The following SEMA5A variants were observed in gnomAD, a reference collection of about 807,000 sequenced individuals.
SEMA5A encodes semaphorin-5A.
In SEMA5A, 55 loss-of-function variants were observed where a neutral mutation model predicts 135.5. That is an observed-to-expected ratio of 0.41 (90% CI 0.33 to 0.51). The LOEUF (loss-of-function observed/expected upper bound fraction) is 0.51, where lower values mean the gene tolerates loss of function less well. Ranked by LOEUF, SEMA5A falls within the 20% of genes least tolerant of loss-of-function variation. The probability of loss-of-function intolerance (pLI) is 0.37; values close to 1 mark genes in which losing one functional copy is unlikely to be tolerated. For missense variants in SEMA5A, 1,290 were observed against 1,419.9 expected (o/e 0.91, Z 1.47); for synonymous variants, 580 against 546.5 (o/e 1.06, Z -0.85).
At chr5:9,232,632 A>G (rs1747697551) in intron 6 of SEMA5A, among the ~76,000 whole-genome samples, 1 of 152,226 alleles carries the variant, frequency 6.6e-6, no homozygotes. Flanking sequence ...CGTGCTATGT[A>G]ATGTACAGTG....
intron 5 of SEMA5A, among the ~76,000 whole-genome samples, chr5:9,281,692 G>T (rs747227786): frequency 6.6e-6 from 1 of 152,124 alleles, no homozygotes; most frequent in Non-Finnish European, 1.5e-5. Flanking sequence ...AAGGCAAATC[G>T]GGTAAGGCAA....
intron 3 of SEMA5A, among the ~76,000 whole-genome samples, chr5:9,353,174 G>GGGAAA (rs1754247304): frequency 3.2e-5 from 1 of 30,952 alleles, no homozygotes; most frequent in Non-Finnish European, 5.3e-5. Flanking sequence ...GGGAAAGGAA[G>GGGAAA]GGAAAGGAAG....
chr5:9,066,794 T>C (rs1737498086), intron 16 of SEMA5A, 148 bp from the exon 17 acceptor site: 1 of 643,868 alleles, frequency 1.6e-6, no homozygotes, highest in Non-Finnish European at 2.7e-6. Context: ...AAAACACATT[T>C]ATGTTAAATT....
At chr5:9,136,693 C>A in intron 12 of SEMA5A, 72 bp from the exon 13 acceptor site, 1 of 1,237,484 alleles carries the variant, frequency 8.1e-7, no homozygotes, top group Non-Finnish European at 1.2e-6. Flanking sequence ...ACAAGGCGAA[C>A]CTGTCCCTTG....
At chr5:9,353,364 A>G (rs1281535071) in intron 3 of SEMA5A, among the ~76,000 whole-genome samples, 15 of 138,204 alleles carry the variant, frequency 1.1e-4, no homozygotes, top group East Asian at 4.4e-4. Context: ...GAAGGAAAGG[A>G]AAGGAAAGGA....
intron 2 of SEMA5A, among the ~76,000 whole-genome samples, chr5:9,433,181 A>G (rs1300892183): frequency 1.3e-5 from 2 of 152,182 alleles, no homozygotes; most frequent in Admixed American, 6.5e-5. Context: ...AGAATAAAAC[A>G]TTGAGAAGGT....
In SEMA5A at chr5:9,289,556, T is replaced by A. The variant is rs1372178967; in HGVS notation, c.270+28816A>T. On this transcript the variant is annotated intron_variant, in intron 5 of 22. Coordinates refer to ENST00000382496, the MANE Select transcript of SEMA5A (RefSeq NM_003966.3). ...GGCACGTGCCGGTAGTCCCAGCAAT[T>A]CAGGAGGCTGAGGCAGGAGAATCAC... Among the ~76,000 whole-genome samples the A allele has an allele frequency of 3.9e-5, 6 of 151,940 alleles. No homozygotes were observed. In the East Asian group the frequency reaches 1.2e-3, roughly 29 times the overall value.
intron 3 of SEMA5A, among the ~76,000 whole-genome samples, chr5:9,350,399 G>A (rs964211367): frequency 6.6e-6 from 1 of 152,136 alleles, no homozygotes. Flanking sequence ...GAGAGTGTCT[G>A]GTCTTTGACT....
At chr5:9,127,480 G>C (rs1741178891) in intron 13 of SEMA5A, among the ~76,000 whole-genome samples, 2 of 152,086 alleles carry the variant, frequency 1.3e-5, no homozygotes, top group African/African-American at 4.8e-5. Flanking sequence ...TGGGAATAAT[G>C]GCATGGAGAT....
At chr5:9,383,574 A>T (rs1186145246) in intron 2 of SEMA5A, among the ~76,000 whole-genome samples, 2 of 152,214 alleles carry the variant, frequency 1.3e-5, no homozygotes, top group Non-Finnish European at 2.9e-5. Flanking sequence ...GTCACAGAGC[A>T]GCAAGCCATC....
At chr5:9,443,160 C>T (rs1758301453) in intron 1 of SEMA5A, among the ~76,000 whole-genome samples, 1 of 152,242 alleles carries the variant, frequency 6.6e-6, no homozygotes, top group Non-Finnish European at 1.5e-5. Flanking sequence ...CAGGTGGTCT[C>T]CACAGGAATG....
chr5:9,464,452 T>C (rs981824845), intron 1 of SEMA5A, among the ~76,000 whole-genome samples: 3 of 152,194 alleles, frequency 2.0e-5, no homozygotes, highest in African/African-American at 7.2e-5. Flanking sequence ...GAGTGAACTG[T>C]TTACACTTTC....
rs116944116 is a variant in SEMA5A, at chr5:9,415,654, T to C, written c.-78+22102A>G. On this transcript the variant is annotated intron_variant, in intron 2 of 22. Coordinates refer to ENST00000382496, the MANE Select transcript of SEMA5A (RefSeq NM_003966.3). The stretch of plus-strand genomic sequence containing the variant: ...AAAAAAAGTACTTCCAGATGGTTGG[T>C]CTAAGCAAATTACATGCAATTTTCC... 5.4e-3 allele frequency among the ~76,000 whole-genome samples: 827 copies of C among 152,250 alleles called. 11 individuals are homozygous for C. The highest frequency in any genetic ancestry group is 0.048 in the East Asian group (247 of 5,180).
chr5:9,042,894 C>A lies in SEMA5A; in HGVS notation c.*3G>T, dbSNP rs1736037742. ...TTACAAGAAGCCAAAAACATGAAAG[C>A]TGTTAGTACTCATCATAATTATTGA... On this transcript the variant is annotated 3_prime_UTR_variant, in exon 23 of 23. Transcript: ENST00000382496. The A allele has an allele frequency of 6.2e-7, 1 of 1,613,786 alleles. No homozygotes were observed.
chr5:9,532,447 T>C (rs1260696), intron 1 of SEMA5A, among the ~76,000 whole-genome samples: 6 of 149,634 alleles, frequency 4.0e-5, no homozygotes, highest in South Asian at 4.2e-4. Context: ...TTTCTTTTTT[T>C]TTTTTTTTTT....
At chr5:9,137,409 G>A (rs572152767) in intron 12 of SEMA5A, among the ~76,000 whole-genome samples, 1 of 152,248 alleles carries the variant, frequency 6.6e-6, no homozygotes, top group Admixed American at 6.5e-5. Flanking sequence ...CACTACATGG[G>A]CATTATTAGA....
At chr5:9,412,892 A>G (rs1222231276) in intron 2 of SEMA5A, among the ~76,000 whole-genome samples, 1 of 152,148 alleles carries the variant, frequency 6.6e-6, no homozygotes, top group Non-Finnish European at 1.5e-5. Context: ...TTTAGATTAG[A>G]GATGCTCATC....
chr5:9,066,986 T>C (rs1045496131), intron 16 of SEMA5A, among the ~76,000 whole-genome samples: 1 of 152,202 alleles, frequency 6.6e-6, no homozygotes, highest in African/African-American at 2.4e-5. Context: ...ATTATTCCGA[T>C]GTTAAGTTTA....
intron 5 of SEMA5A, among the ~76,000 whole-genome samples, chr5:9,264,682 G>T (rs1012570156): frequency 6.6e-6 from 1 of 152,126 alleles, no homozygotes; most frequent in Non-Finnish European, 1.5e-5. Flanking sequence ...TCACCAGCGG[G>T]TTAATGTTCA....
Sources: gnomAD v4.1 joint callset for allele counts (sites outside exome capture counted in the v4.1 genomes callset) on GRCh38, gnomAD v4.1.1 for gene constraint, MANE v1.5 for transcripts, NCBI Gene and HGNC (gene_info 2026-07-23, HGNC 2026-07-21) for gene names.